TGFBR1: variants seen among roughly 807,000 people sequenced by gnomAD.
TGFBR1 encodes the protein transforming growth factor beta receptor 1.
In TGFBR1, 20 loss-of-function variants were observed where a neutral mutation model predicts 55.1. The observed-to-expected ratio is 0.36, with a 90% CI of 0.26 to 0.53. The LOEUF is 0.53. Among genes scored for constraint, TGFBR1 ranks in the 20% least tolerant of loss-of-function variants. TGFBR1 has a pLI of 0.91. For missense variants in TGFBR1, 385 were observed against 617.6 expected (o/e 0.62, Z 3.99); for synonymous variants, 220 against 214.8 (o/e 1.02, Z -0.21).
Position 99,137,935 on chromosome 9 carries a change from A to C in TGFBR1, c.651A>C (p.Gly217=), listed in dbSNP as rs1321254948. 1 of 1,613,974 alleles carries C rather than the reference A, an allele frequency of 6.2e-7. No homozygotes were observed. The highest frequency in any genetic ancestry group is 2.2e-5 in the East Asian group (1 of 44,876). The change falls in exon 4 of 9, where the codon GGA becomes GGC. Residue 217 remains glycine (G), a synonymous_variant. Coordinates refer to ENST00000374994, the MANE Select transcript of TGFBR1 (RefSeq NM_004612.4). ...AAAGCATTGGCAAAGGTCGATTTGGAGAAGTTTGGAGAGGAAAGTGGCGGG... is the reference window on the plus strand; with the variant it reads ...AAAGCATTGGCAAAGGTCGATTTGGCGAAGTTTGGAGAGGAAAGTGGCGGG... ...LQESIGKGRF[G]EVWRGKWRGE... is the part of the protein sequence containing the mutation.
chr9:99,128,114 G>A, intron 1 of TGFBR1: 2 of 423,948 alleles, frequency 4.7e-6, no homozygotes, highest in Admixed American at 2.6e-5. Context: ...CCCTAAAGAG[G>A]TCACTCCTGG....
In TGFBR1 at chr9:99,137,949, G is replaced by C. The variant is rs2118713139; in HGVS notation, c.665G>C (p.Gly222Ala). The C allele has an allele frequency of 6.2e-7, 1 of 1,614,108 alleles. No homozygotes were observed. The highest frequency in any genetic ancestry group is 1.1e-5 in the South Asian group (1 of 91,088). Residue 222 changes from glycine (G) to alanine (A), a missense_variant, in exon 4 of 9, where the codon GGA becomes GCA. This residue lies in a region of TGFBR1 where 85 missense variants were observed against 228.4 expected (regional missense o/e 0.37). Transcript: ENST00000374994. ...GKGRFGEVWRGKWRGEEVAVK... is the reference protein window; with the variant it reads ...GKGRFGEVWRAKWRGEEVAVK... ...GGTCGATTTGGAGAAGTTTGGAGAG[G>C]AAAGTGGCGGGGAGAAGAAGTTGCT...
At chr9:99,108,839 A>G (rs1289210234) in intron 1 of TGFBR1, among the ~76,000 whole-genome samples, 2 of 152,202 alleles carry the variant, frequency 1.3e-5, no homozygotes, top group Non-Finnish European at 2.9e-5. Context: ...AAAGTAATCA[A>G]AGTGGAATGA....
rs115029771 is a variant in TGFBR1, at chr9:99,124,832, T to G, written c.98-4023T>G. ...TTGAAAGAGTAGTTAAGAAAAACCC[T>G]TTAGTACTGACTTTTTCAAATTTAC... On this transcript the variant is annotated intron_variant, in intron 1 of 8. Transcript: ENST00000374994. 9.7e-3 allele frequency among the ~76,000 whole-genome samples: 1,470 copies of G among 152,200 alleles called. 22 individuals are homozygous for G. The highest frequency in any genetic ancestry group is 0.034 in the African/African-American group (1,394 of 41,526).
At chr9:99,132,838 G>C (rs1039935782) in intron 3 of TGFBR1, 99 bp downstream of exon 3, 7 of 1,472,140 alleles carry the variant, frequency 4.8e-6, no homozygotes, top group Non-Finnish European at 5.5e-6. Flanking sequence ...TAGAATGTGA[G>C]ATAGTATAAA....
Position 99,143,867 on chromosome 9 carries a change from T to G in TGFBR1, c.974-865T>G, listed in dbSNP as rs11267072. 1.5e-3 allele frequency among the ~76,000 whole-genome samples: 225 copies of G among 152,336 alleles called. 2 individuals carry two copies. The highest frequency in any genetic ancestry group is 5.1e-3 in the African/African-American group (212 of 41,562). ...TGCTCCTTTTTGTCTGTAGATTTGC[T>G]TATTCTGCACATTTTATATAAATGA... On this transcript the variant is annotated intron_variant, in intron 5 of 8. Transcript: ENST00000374994.
chr9:99,105,246 T>A lies in TGFBR1; in HGVS notation c.41T>A (p.Leu14His), dbSNP rs1826371375. The A allele has an allele frequency of 1.9e-6, 2 of 1,060,790 alleles. No individual in the cohort carries two copies. The highest frequency in any genetic ancestry group is 2.3e-6 in the Non-Finnish European group (2 of 883,892). 65.7% of individuals were successfully genotyped at this position (1,060,790 alleles called of 1,614,324 possible). Residue 14 changes from leucine to histidine, a missense_variant, in exon 1 of 9, where the codon CTC becomes CAC. Leu to His is a moderately conservative substitution (Grantham distance 99, BLOSUM62 -3). This residue lies in a region of TGFBR1 where 37 missense variants were observed against 40.2 expected (regional missense o/e 0.92). Coordinates refer to ENST00000374994, the MANE Select transcript of TGFBR1 (RefSeq NM_004612.4). ...AVAAPRPRLL[L>H]LVLAAAAAAA... Reference sequence around the variant, plus strand: ...GCTGCTCCGCGTCCCCGGCTGCTCCTCCTCGTGCTGGCGGCGGCGGCGGCG... The same window carrying A: ...GCTGCTCCGCGTCCCCGGCTGCTCCACCTCGTGCTGGCGGCGGCGGCGGCG...
chr9:99,142,264 A>G (rs1338914376), intron 4 of TGFBR1, among the ~76,000 whole-genome samples: 1 of 152,172 alleles, frequency 6.6e-6, no homozygotes, highest in Non-Finnish European at 1.5e-5. Flanking sequence ...ATTATCTGTG[A>G]AGACTCAAAA....
At chr9:99,146,685 A>G in intron 7 of TGFBR1, 76 bp downstream of exon 7, 1 of 1,600,420 alleles carries the variant, frequency 6.2e-7, no homozygotes. Flanking sequence ...TTTTTAATTG[A>G]ATGAAATTAT....
At chr9:99,144,994 A>G in intron 6 of TGFBR1, 106 bp downstream of exon 6, 1 of 1,299,674 alleles carries the variant, frequency 7.7e-7, no homozygotes, top group Non-Finnish European at 1.1e-6. Context: ...CTTGCACTTT[A>G]TTAGATTGCC....
intron 1 of TGFBR1, among the ~76,000 whole-genome samples, chr9:99,120,412 G>A (rs1346247185): frequency 6.6e-6 from 1 of 152,150 alleles, no homozygotes; most frequent in Admixed American, 6.5e-5. Context: ...AGGGCCTGGG[G>A]TAAGGCAAAG....
intron 1 of TGFBR1, among the ~76,000 whole-genome samples, chr9:99,117,074 T>C (rs908293242): frequency 1.3e-5 from 2 of 152,148 alleles, no homozygotes; most frequent in Non-Finnish European, 2.9e-5. Context: ...CTTTGGTATT[T>C]TGTTTGACAA....
intron 1 of TGFBR1, among the ~76,000 whole-genome samples, chr9:99,122,232 G>A (rs969276180): frequency 3.3e-5 from 5 of 152,104 alleles, no homozygotes; most frequent in African/African-American, 1.2e-4. Flanking sequence ...CTACGGGTAG[G>A]TTGTGTAGAT....
At chr9:99,118,877 T>A (rs778615748) in intron 1 of TGFBR1, among the ~76,000 whole-genome samples, 9 of 152,158 alleles carry the variant, frequency 5.9e-5, no homozygotes, top group Non-Finnish European at 1.2e-4. Flanking sequence ...ATGACTTTCC[T>A]TTCTTCACTA....
rs1554699638 is a variant in TGFBR1, at chr9:99,132,728, G to T, written c.563G>T (p.Gly188Val). The T allele has an allele frequency of 6.2e-7, 1 of 1,614,116 alleles. No homozygotes were observed. Among genetic ancestry groups the T allele is most frequent in the Non-Finnish European group, 8.5e-7 (1 of 1,180,000 alleles). Reference protein sequence around the residue: ...KDLIYDMTTSGSGSGLPLLVQ... With the variant: ...KDLIYDMTTSVSGSGLPLLVQ... ...TTAATTTATGATATGACAACGTCAGGTTCTGGCTCAGGTAACATAATTGTT... is the reference window on the plus strand; with the variant it reads ...TTAATTTATGATATGACAACGTCAGTTTCTGGCTCAGGTAACATAATTGTT... Residue 188 changes from glycine (G) to valine (V), a missense_variant, in exon 3 of 9, where the codon GGT (glycine) becomes GTT (valine). Physicochemically the swap from Gly to Val is moderately radical, Grantham distance 109 (BLOSUM62 -3). Transcript: ENST00000374994.
intron 3 of TGFBR1, 131 bp from the exon 4 acceptor site, chr9:99,137,728 C>T: frequency 2.9e-6 from 2 of 700,758 alleles, no homozygotes; most frequent in Non-Finnish European, 5.2e-6. Flanking sequence ...ATAATATCTC[C>T]CCAGTGAGAT....
chr9:99,117,151 G>A (rs147184824), intron 1 of TGFBR1, among the ~76,000 whole-genome samples: 12 of 152,140 alleles, frequency 7.9e-5, no homozygotes, highest in African/African-American at 2.2e-4. Flanking sequence ...GCAGTGGCGC[G>A]ATCTTGGCTC....
chr9:99,124,652 G>A (rs1052516138), intron 1 of TGFBR1, among the ~76,000 whole-genome samples: 4 of 151,992 alleles, frequency 2.6e-5, no homozygotes, highest in African/African-American at 7.3e-5. Context: ...TTCCCTAAAC[G>A]ATCTTGCCGT....
In TGFBR1 at chr9:99,125,802, T is replaced by G. The variant is rs1827024197; in HGVS notation, c.98-3053T>G. On this transcript the variant is annotated intron_variant, in intron 1 of 8. Coordinates refer to ENST00000374994, the MANE Select transcript of TGFBR1 (RefSeq NM_004612.4). ...TGAAGTGAAAATATGTTCTCAAACC[T>G]TGTACCCAACTTATACATCCTTTTT... Among the ~76,000 whole-genome samples the G allele has an allele frequency of 2.0e-5, 3 of 152,340 alleles. No homozygotes were observed. The South Asian group carries it at 6.2e-4, about 32-fold the overall frequency.
Sources: allele counts gnomAD v4.1 joint callset (sites outside exome capture counted in the v4.1 genomes callset), GRCh38; gene constraint gnomAD v4.1.1; regional missense constraint gnomAD v4.1.1; transcripts MANE v1.5; gene names NCBI Gene and HGNC (gene_info 2026-07-23, HGNC 2026-07-21).